GRIA1: variants seen among roughly 807,000 people sequenced by gnomAD.
GRIA1 encodes the protein glutamate ionotropic receptor AMPA type subunit 1, also known as glutamate receptor 1.
GRIA1 carries 31 observed loss-of-function variants against 99.2 expected under a neutral mutation model. The ratio of observed to expected loss-of-function variants is 0.31; its 90% CI spans 0.23 to 0.42. GRIA1 has a LOEUF of 0.42. Among genes scored for constraint, GRIA1 ranks in the 10% least tolerant of loss-of-function variants. The pLI, the probability that GRIA1 is intolerant of heterozygous loss-of-function variation, is 1.00. For missense variants in GRIA1, 782 were observed against 1,157.5 expected (o/e 0.68, Z 4.71); for synonymous variants, 438 against 432.4 (o/e 1.01, Z -0.16).
At chr5:153,626,653 A>T (rs1243574156) in intron 2 of GRIA1, among the ~76,000 whole-genome samples, 1 of 152,208 alleles carries the variant, frequency 6.6e-6, no homozygotes, top group Non-Finnish European at 1.5e-5. Flanking sequence ...GCTAAGGGAC[A>T]GTTAGAGTGG....
At chr5:153,710,111 G>C (rs1759203079) in intron 11 of GRIA1, among the ~76,000 whole-genome samples, 1 of 151,194 alleles carries the variant, frequency 6.6e-6, no homozygotes, top group Non-Finnish European at 1.5e-5. Flanking sequence ...TTTTAACAGT[G>C]AAAGTTAAAA....
At chr5:153,532,735 C>T (rs1344082818) in intron 2 of GRIA1, among the ~76,000 whole-genome samples, 1 of 152,178 alleles carries the variant, frequency 6.6e-6, no homozygotes, top group Non-Finnish European at 1.5e-5. Context: ...GGTAAAACCT[C>T]CTGGTGTTTC....
At chr5:153,705,630 A>T in intron 10 of GRIA1, 67 bp from the exon 11 acceptor site, 3 of 1,439,520 alleles carry the variant, frequency 2.1e-6, no homozygotes, top group Non-Finnish European at 2.7e-6. Flanking sequence ...AAGAAAAACA[A>T]GAGAATGAAA....
chr5:153,708,877 T>C (rs963310103), intron 11 of GRIA1, among the ~76,000 whole-genome samples: 1 of 152,170 alleles, frequency 6.6e-6, no homozygotes, highest in African/African-American at 2.4e-5. Flanking sequence ...GACACAAGAG[T>C]GAACTGCCAA....
chr5:153,765,530 T>C (rs866338827), intron 12 of GRIA1, among the ~76,000 whole-genome samples: 2 of 151,836 alleles, frequency 1.3e-5, no homozygotes, highest in African/African-American at 4.8e-5. Context: ...AAAGCCAGGG[T>C]AGACCTGTAA....
chr5:153,592,200 A>C (rs1764032502), intron 2 of GRIA1, among the ~76,000 whole-genome samples: 1 of 152,230 alleles, frequency 6.6e-6, no homozygotes, highest in Non-Finnish European at 1.5e-5. Flanking sequence ...GAACTGTCCA[A>C]GCCATGGCCT....
intron 2 of GRIA1, among the ~76,000 whole-genome samples, chr5:153,530,505 C>G (rs1399135582): frequency 6.6e-6 from 1 of 152,228 alleles, no homozygotes; most frequent in Admixed American, 6.5e-5. Flanking sequence ...AAATGAGAAG[C>G]AGCTGTGAGC....
intron 2 of GRIA1, among the ~76,000 whole-genome samples, chr5:153,623,760 A>T (rs1439794478): frequency 6.6e-6 from 1 of 152,214 alleles, no homozygotes; most frequent in Admixed American, 6.5e-5. Context: ...TATGCATTCA[A>T]CATGCATAAT....
intron 10 of GRIA1, among the ~76,000 whole-genome samples, chr5:153,700,675 C>T (rs1418952852): frequency 6.6e-6 from 1 of 152,074 alleles, no homozygotes; most frequent in Non-Finnish European, 1.5e-5. Flanking sequence ...GGGAAGGGAC[C>T]ACCACGGCTT....
chr5:153,744,528 A>AT (rs1332665319), intron 11 of GRIA1, among the ~76,000 whole-genome samples: 6 of 152,234 alleles, frequency 3.9e-5, no homozygotes, highest in African/African-American at 1.4e-4. Context: ...CTTAAGAAGT[A>AT]TTTTCCCTAC....
Position 153,740,327 on chromosome 5 carries a change from G to T in GRIA1, c.1824-24107G>T, listed in dbSNP as rs929724475. On this transcript the variant is annotated intron_variant, in intron 11 of 15. Coordinates refer to ENST00000285900, the MANE Select transcript of GRIA1 (RefSeq NM_000827.4). ...AGGCAGAGTGAGATAAGGGAGACAG[G>T]TGTGGAGGGCTAGATGGAGAACTGG... Among the ~76,000 whole-genome samples the T allele has an allele frequency of 7.9e-5, 12 of 152,366 alleles. 1 individual carries two copies. The highest frequency in any genetic ancestry group is 4.6e-4 in the Admixed American group (7 of 15,304).
intron 2 of GRIA1, among the ~76,000 whole-genome samples, chr5:153,594,178 C>T (rs1764225293): frequency 6.6e-6 from 1 of 152,168 alleles, no homozygotes; most frequent in African/African-American, 2.4e-5. Flanking sequence ...GTTCTAACTT[C>T]AAGACAATCG....
chr5:153,564,733 G>A (rs558986498), intron 2 of GRIA1, among the ~76,000 whole-genome samples: 1 of 152,282 alleles, frequency 6.6e-6, no homozygotes, highest in Non-Finnish European at 1.5e-5. Flanking sequence ...AAGATGAATG[G>A]CCAGGATGAA....
intron 11 of GRIA1, among the ~76,000 whole-genome samples, chr5:153,752,907 C>T (rs1762590282): frequency 6.6e-6 from 1 of 152,164 alleles, no homozygotes; most frequent in Non-Finnish European, 1.5e-5. Flanking sequence ...TCATCTCCAG[C>T]TAGTGGAGGT....
chr5:153,653,947 G>A (rs1754754370), intron 4 of GRIA1, among the ~76,000 whole-genome samples: 1 of 152,228 alleles, frequency 6.6e-6, no homozygotes, highest in Admixed American at 6.5e-5. Flanking sequence ...GTGAATGAAG[G>A]CAATGCATTG....
chr5:153,647,382 C>G (rs891412499), intron 3 of GRIA1, among the ~76,000 whole-genome samples: 1 of 152,140 alleles, frequency 6.6e-6, no homozygotes, highest in Non-Finnish European at 1.5e-5. Flanking sequence ...CCATGTCACT[C>G]TACAGCTCAC....
intron 12 of GRIA1, among the ~76,000 whole-genome samples, chr5:153,767,246 C>T (rs931041537): frequency 2.0e-5 from 3 of 152,176 alleles, no homozygotes; most frequent in South Asian, 2.1e-4. Context: ...ATAATCTCCA[C>T]GGCAACACTG....
intron 11 of GRIA1, among the ~76,000 whole-genome samples, chr5:153,758,537 C>T (rs1399582295): frequency 6.6e-6 from 1 of 151,842 alleles, no homozygotes; most frequent in Non-Finnish European, 1.5e-5. Flanking sequence ...ATATATTCAA[C>T]CAGCATCAGA....
intron 11 of GRIA1, among the ~76,000 whole-genome samples, chr5:153,739,546 G>A (rs761335339): frequency 6.6e-5 from 10 of 152,212 alleles, no homozygotes; most frequent in Non-Finnish European, 5.9e-5. Context: ...CAGCTTTTAG[G>A]TTATAGACAG....
Sources: gnomAD v4.1 joint callset for allele counts (sites outside exome capture counted in the v4.1 genomes callset) on GRCh38, gnomAD v4.1.1 for gene constraint, MANE v1.5 for transcripts, NCBI Gene and HGNC (gene_info 2026-07-23, HGNC 2026-07-21) for gene names.